Variants in DDAH1 observed in about 807,000 individuals in gnomAD.
The protein encoded by DDAH1 is dimethylarginine dimethylaminohydrolase 1, also known as N(G),N(G)-dimethylarginine dimethylaminohydrolase 1.
In DDAH1, 19 loss-of-function variants were observed where a neutral mutation model predicts 28.8. The observed-to-expected ratio is 0.66, with a 90% CI of 0.46 to 0.97. DDAH1 has a LOEUF of 0.97. Ranked by LOEUF, DDAH1 falls within the 50% of genes least tolerant of loss-of-function variation. DDAH1 has a pLI of 0.00. For missense variants in DDAH1, 326 were observed against 375.9 expected, an observed-to-expected ratio of 0.87 and a Z score of 1.10; for synonymous variants, 153 against 154.4, an observed-to-expected ratio of 0.99 and a Z score of 0.07.
chr1:85,420,771 C>A (rs1653105566), intron 1 of DDAH1, among the ~76,000 whole-genome samples: 2 of 152,190 alleles, frequency 1.3e-5, no homozygotes, highest in African/African-American at 2.4e-5. Flanking sequence ...CTGCCTGTTA[C>A]CTAATTCCAC....
In DDAH1 at chr1:85,566,081, CA is replaced by C. The variant is rs35607554; in HGVS notation, c.-123+11902del. On this transcript the variant is annotated intron_variant, in intron 1 of 6. Coordinates refer to the DDAH1 transcript ENST00000426972. ...GGGCAACAAGAGCAAAACTCTGTCTCAAAAAAAAAAACAACCAAAAAACAAA... is the reference window on the plus strand; with the variant it reads ...GGGCAACAAGAGCAAAACTCTGTCTCAAAAAAAAAACAACCAAAAAACAAA... Among the ~76,000 whole-genome samples, 55 of 143,144 alleles carry C rather than the reference CA, an allele frequency of 3.8e-4. 1 individual carries two copies. The highest frequency in any genetic ancestry group is 1.3e-3 in the African/African-American group (51 of 39,120). The allele number at this position is 143,144 out of a possible 152,430, so 93.9% of individuals were successfully genotyped here.
intron 1 of DDAH1, among the ~76,000 whole-genome samples, chr1:85,447,138 T>C (rs1398610913): frequency 6.6e-6 from 1 of 152,216 alleles, no homozygotes; most frequent in Non-Finnish European, 1.5e-5. Context: ...AATCACTGCC[T>C]GCCTATTTAT....
Position 85,321,296 on chromosome 1 carries a change from T to G in DDAH1, c.*156A>C, listed in dbSNP as rs2100779822. The G allele has an allele frequency of 3.3e-6, 2 of 613,858 alleles. No homozygotes were observed. Among genetic ancestry groups the G allele is most frequent in the Middle Eastern group, 4.5e-4 (1 of 2,236 alleles). The allele number at this position is 613,858 out of a possible 1,614,324, so 38.0% of individuals were successfully genotyped here. On this transcript the variant is annotated 3_prime_UTR_variant, in exon 6 of 6. Coordinates refer to ENST00000284031, the MANE Select transcript of DDAH1 (RefSeq NM_012137.4). ...ACCTCGAGGGGAGGGAGGGTGGGGG[T>G]GTTGAATGAAGCAATTCAACTTAGA...
chr1:85,429,247 T>C lies in DDAH1; in HGVS notation c.303+35496A>G, dbSNP rs547305302. 4.0e-5 allele frequency among the ~76,000 whole-genome samples: 6 copies of C among 151,816 alleles called. No individual in the cohort carries two copies. The East Asian group carries it at 9.8e-4, about 25-fold the overall frequency. ...GTTCTCATTGTTCAACTCCCACTTA[T>C]GTATGAGAACATGCAGTGTATGGTT... On this transcript the variant is annotated intron_variant, in intron 1 of 5. Coordinates refer to ENST00000284031, the MANE Select transcript of DDAH1 (RefSeq NM_012137.4).
At chr1:85,329,986 C>T (rs1416930216) in intron 4 of DDAH1, among the ~76,000 whole-genome samples, 2 of 152,132 alleles carry the variant, frequency 1.3e-5, no homozygotes, top group Non-Finnish European at 2.9e-5. Context: ...TTTTGTCTTT[C>T]GAGGCAAAGA....
intron 1 of DDAH1, chr1:85,380,585 A>C (rs1650933475): frequency 6.6e-6 from 1 of 152,220 alleles, no homozygotes; most frequent in South Asian, 2.1e-4. Context: ...TGTAAGGATC[A>C]GAGGTAAGGC....
At chr1:85,330,175 C>G (rs1647674310) in intron 4 of DDAH1, among the ~76,000 whole-genome samples, 1 of 152,192 alleles carries the variant, frequency 6.6e-6, no homozygotes, top group South Asian at 2.1e-4. Flanking sequence ...GGCTGTGTTG[C>G]TCTTGAACAT....
At chr1:85,538,437 G>T (rs1658359900) in intron 1 of DDAH1, among the ~76,000 whole-genome samples, 1 of 152,166 alleles carries the variant, frequency 6.6e-6, no homozygotes, top group Non-Finnish European at 1.5e-5. Context: ...AAACCATATG[G>T]TATCATTATT....
intron 1 of DDAH1, among the ~76,000 whole-genome samples, chr1:85,514,941 A>G (rs1657415107): frequency 2.6e-5 from 4 of 151,916 alleles, no homozygotes. Flanking sequence ...AGAAACCAAG[A>G]TCTGGGTTCT....
chr1:85,566,317 T>C (rs574219691), intron 1 of DDAH1, among the ~76,000 whole-genome samples: 1 of 151,016 alleles, frequency 6.6e-6, no homozygotes, highest in East Asian at 2.0e-4. Context: ...CTGGGCAATA[T>C]AGTGAGAGCT....
chr1:85,490,509 G>A (rs1318795377), intron 2 of DDAH1, among the ~76,000 whole-genome samples: 2 of 152,172 alleles, frequency 1.3e-5, no homozygotes, highest in African/African-American at 4.8e-5. Context: ...AAGCCATTAA[G>A]CAAAGTTCAT....
chr1:85,568,940 T>A (rs1659379094), intron 1 of DDAH1, among the ~76,000 whole-genome samples: 1 of 152,226 alleles, frequency 6.6e-6, no homozygotes, highest in Non-Finnish European at 1.5e-5. Context: ...ACACTATTTA[T>A]GCAAGCTCTC....
intron 2 of DDAH1, among the ~76,000 whole-genome samples, chr1:85,492,278 C>T (rs1353622165): frequency 2.0e-5 from 3 of 152,058 alleles, no homozygotes; most frequent in African/African-American, 7.2e-5. Context: ...GTTCAGAAAT[C>T]ATTCTCTAAT....
At chr1:85,422,603 C>T (rs191205444) in intron 1 of DDAH1, among the ~76,000 whole-genome samples, 38 of 152,286 alleles carry the variant, frequency 2.5e-4, no homozygotes, top group African/African-American at 8.4e-4. Flanking sequence ...CCTAGATTCA[C>T]TTTTTTCTTA....
intron 1 of DDAH1, among the ~76,000 whole-genome samples, chr1:85,557,731 T>G (rs1346383373): frequency 6.6e-6 from 1 of 152,186 alleles, no homozygotes; most frequent in Non-Finnish European, 1.5e-5. Context: ...GTAATTAGGT[T>G]AAGTGAGATC....
intron 1 of DDAH1, among the ~76,000 whole-genome samples, chr1:85,376,576 T>C (rs1032436583): frequency 6.6e-6 from 1 of 152,042 alleles, no homozygotes; most frequent in African/African-American, 2.4e-5. Context: ...AAGCTTTTCT[T>C]TTCACAGGGT....
chr1:85,518,873 C>A (rs7527346), intron 1 of DDAH1, among the ~76,000 whole-genome samples: 2 of 152,062 alleles, frequency 1.3e-5, no homozygotes, highest in Non-Finnish European at 2.9e-5. Flanking sequence ...ATTGTTGTGA[C>A]TTTTAGATGA....
At chr1:85,376,915 A>AT (rs1650704763) in intron 1 of DDAH1, 1 of 152,102 alleles carries the variant, frequency 6.6e-6, no homozygotes, top group African/African-American at 2.4e-5. Context: ...AATTACAGTA[A>AT]TTTTACAATC....
At chr1:85,499,314 A>G (rs1224903031) in intron 1 of DDAH1, among the ~76,000 whole-genome samples, 4 of 152,204 alleles carry the variant, frequency 2.6e-5, no homozygotes, top group South Asian at 4.1e-4. Flanking sequence ...TAGGTAATTC[A>G]TATATACATT....
Sources: allele counts gnomAD v4.1 joint callset (sites outside exome capture counted in the v4.1 genomes callset), GRCh38; gene constraint gnomAD v4.1.1; transcripts MANE v1.5; gene names NCBI Gene and HGNC (gene_info 2026-07-23, HGNC 2026-07-21).